Variants in ZNF507 observed in about 807,000 individuals in gnomAD.
ZNF507 encodes zinc finger protein 507.
A neutral mutation model predicts 80.0 loss-of-function variants in ZNF507; 29 were observed. The ratio of observed to expected loss-of-function variants is 0.36; its 90% CI spans 0.27 to 0.49. The LOEUF (loss-of-function observed/expected upper bound fraction) is 0.49. Among genes scored for constraint, ZNF507 ranks in the 20% least tolerant of loss-of-function variants. The pLI, the probability that ZNF507 is intolerant of heterozygous loss-of-function variation, is 0.98. For synonymous variants in ZNF507, 462 were observed against 422.5 expected, an observed-to-expected ratio of 1.09 and a Z score of -1.15; for missense variants, 1,081 against 1,152.2, an observed-to-expected ratio of 0.94 and a Z score of 0.90.
Position 32,354,595 on chromosome 19 carries a change from A to G in ZNF507, c.1765A>G (p.Thr589Ala). Residue 589 changes from threonine (T) to alanine (A), a missense_variant, in exon 3 of 7, where the codon ACC becomes GCC. By Grantham distance (58) the Thr-to-Ala change is moderately conservative. Coordinates refer to ENST00000355898, the MANE Select transcript of ZNF507 (RefSeq NM_001136156.2). ...GACAGGCATCAGCATGTCCTTACTC[A>G]CCGTCATTGAAAAATTGAGAGAAAG... The part of the protein sequence containing the change: ...VKTGISMSLL[T>A]VIEKLRERTD... The G allele has an allele frequency of 6.2e-7, 1 of 1,614,134 alleles. No homozygotes were observed. Among genetic ancestry groups the G allele is most frequent in the Non-Finnish European group, 8.5e-7 (1 of 1,180,024 alleles).
rs186095714 is a variant in ZNF507 at position 32,346,401 on chromosome 19, A to G, written c.-97+618A>G. ...TAATAAGGTGGCGGCCACTTTCCCA[A>G]CCCCAAGGCGGTATTTTTAAGTTTC... On this transcript the variant is annotated intron_variant, in intron 1 of 6. Coordinates refer to ENST00000355898, the MANE Select transcript of ZNF507 (RefSeq NM_001136156.2). 4.5e-4 allele frequency among the ~76,000 whole-genome samples: 68 copies of G among 152,164 alleles called. No individual in the cohort carries two copies. The Middle Eastern group carries it at 0.014, about 30-fold the overall frequency.
rs1222706706 is a variant in ZNF507 at position 32,383,578 on chromosome 19, A to G, written c.*495A>G. Reference sequence around the variant, plus strand: ...TTCAGTGTCACCAACAGAGTCAACAAGGAAACATAATTAGAGGGCTTTGAA... The same window carrying G: ...TTCAGTGTCACCAACAGAGTCAACAGGGAAACATAATTAGAGGGCTTTGAA... On this transcript the variant is annotated 3_prime_UTR_variant, in exon 7 of 7. Transcript: ENST00000355898. 1 of 154,626 alleles carries G rather than the reference A, an allele frequency of 6.5e-6. No homozygotes were observed. Among genetic ancestry groups the G allele is most frequent in the Non-Finnish European group, 1.4e-5 (1 of 69,644 alleles). The allele number at this position is 154,626 out of a possible 1,614,324, so 9.6% of individuals were successfully genotyped here.
intron 5 of ZNF507, among the ~76,000 whole-genome samples, chr19:32,376,278 T>C (rs1967545688): frequency 6.6e-6 from 1 of 152,198 alleles, no homozygotes; most frequent in Non-Finnish European, 1.5e-5. Flanking sequence ...TTTTTTCCTA[T>C]ATATTTCTAA....
At chr19:32,348,017 A>G (rs1967117642) in intron 2 of ZNF507, among the ~76,000 whole-genome samples, 1 of 152,222 alleles carries the variant, frequency 6.6e-6, no homozygotes, top group Non-Finnish European at 1.5e-5. Flanking sequence ...TAAATCTATA[A>G]ATAATGTGTA....
intron 2 of ZNF507, among the ~76,000 whole-genome samples, chr19:32,349,016 A>G (rs575318113): frequency 6.6e-6 from 1 of 152,356 alleles, no homozygotes; most frequent in South Asian, 2.1e-4. Flanking sequence ...TTGGACTTCA[A>G]TAAGCAAACC....
At chr19:32,378,348 G>T (rs960768885) in intron 5 of ZNF507, among the ~76,000 whole-genome samples, 6 of 152,088 alleles carry the variant, frequency 3.9e-5, no homozygotes, top group Non-Finnish European at 7.4e-5. Context: ...GTGAAACTCC[G>T]TCTCAAAGAG....
At chr19:32,376,101 T>C (rs2097308448) in intron 5 of ZNF507, among the ~76,000 whole-genome samples, 1 of 152,218 alleles carries the variant, frequency 6.6e-6, no homozygotes. Flanking sequence ...AGGCAGCTTA[T>C]TGTAGTCATT....
chr19:32,352,484 T>TC (rs1257699117), intron 2 of ZNF507, among the ~76,000 whole-genome samples: 1 of 151,612 alleles, frequency 6.6e-6, no homozygotes, highest in East Asian at 1.9e-4. Context: ...CTTTTTTTTT[T>TC]TTTCTTGGCA....
chr19:32,385,962 A>G lies in ZNF507; in HGVS notation c.*2879A>G, dbSNP rs1019324988. 2 of 152,238 alleles carry G rather than the reference A, an allele frequency of 1.3e-5. No homozygotes were observed. The highest frequency in any genetic ancestry group is 4.8e-5 in the African/African-American group (2 of 41,454). The allele number at this position is 152,238 out of a possible 1,614,324, so 9.4% of individuals were successfully genotyped here. ...AAAATACTAAGACGTGATAGTGAAA[A>G]TAGCTTTGAAAAGAAACTACATATG... On this transcript the variant is annotated 3_prime_UTR_variant, in exon 7 of 7. Coordinates refer to ENST00000355898, the MANE Select transcript of ZNF507 (RefSeq NM_001136156.2).
chr19:32,366,621 A>G (rs981353875), intron 5 of ZNF507, among the ~76,000 whole-genome samples: 3 of 152,306 alleles, frequency 2.0e-5, no homozygotes, highest in Admixed American at 1.3e-4. Flanking sequence ...TAGACATTTG[A>G]GTTATTGTAA....
In ZNF507 at chr19:32,382,933, G is replaced by A. The variant is rs773338519; in HGVS notation, c.2712G>A (p.Met904Ile). The A allele has an allele frequency of 3.7e-6, 6 of 1,614,116 alleles. No individual in the cohort carries two copies. The South Asian group carries it at 6.6e-5, about 18-fold the overall frequency. The change falls in exon 7 of 7, where the codon ATG becomes ATA. Residue 904 changes from methionine (M) to isoleucine (I), a missense_variant. This residue lies in a region of ZNF507 where 138 missense variants were observed against 158.4 expected (regional missense o/e 0.87). Transcript: ENST00000355898. ...EKISSLAPPS[M>I]EYCVLLFCCC... Reference sequence around the variant, plus strand: ...TCTCCAGTCTGGCCCCTCCTAGCATGGAGTACTGCGTTTTACTCTTCTGCT... The same window carrying A: ...TCTCCAGTCTGGCCCCTCCTAGCATAGAGTACTGCGTTTTACTCTTCTGCT...
At chr19:32,351,877 G>A (rs1967173637) in intron 2 of ZNF507, among the ~76,000 whole-genome samples, 1 of 152,108 alleles carries the variant, frequency 6.6e-6, no homozygotes, top group Non-Finnish European at 1.5e-5. Context: ...TGAAAGTACT[G>A]CCAGGAAATA....
Position 32,387,350 on chromosome 19 carries a change from C to T in ZNF507, c.*4267C>T, listed in dbSNP as rs1382233828. 6.6e-6 allele frequency: 1 copy of T among 152,120 alleles called. No homozygotes were observed. The highest frequency in any genetic ancestry group is 1.5e-5 in the Non-Finnish European group (1 of 68,026). The allele number at this position is 152,120 out of a possible 1,614,324, so 9.4% of individuals were successfully genotyped here. A position where few individuals can be genotyped will look rare whatever the true frequency, so the allele number is the denominator to read the frequency against. On this transcript the variant is annotated 3_prime_UTR_variant, in exon 7 of 7. Coordinates refer to ENST00000355898, the MANE Select transcript of ZNF507 (RefSeq NM_001136156.2). Reference sequence around the variant, plus strand: ...TCGTGGGTCTGGTTATCCATTTGTGCCCTAGAATCCTGGGTCACCTCAGTT... The same window carrying T: ...TCGTGGGTCTGGTTATCCATTTGTGTCCTAGAATCCTGGGTCACCTCAGTT...
intron 5 of ZNF507, among the ~76,000 whole-genome samples, chr19:32,371,542 G>A (rs1967471836): frequency 6.6e-6 from 1 of 151,698 alleles, no homozygotes; most frequent in Non-Finnish European, 1.5e-5. Context: ...TGGAAAGGAA[G>A]GGGAGGCAAT....
At chr19:32,362,071 A>G (rs1395863602) in intron 5 of ZNF507, among the ~76,000 whole-genome samples, 1 of 152,118 alleles carries the variant, frequency 6.6e-6, no homozygotes, top group Non-Finnish European at 1.5e-5. Flanking sequence ...GGCATGTGCC[A>G]TGATTAGCTA....
At chr19:32,380,632 A>T in intron 5 of ZNF507, 1 of 1,535,068 alleles carries the variant, frequency 6.5e-7, no homozygotes, top group Admixed American at 2.0e-5. Context: ...TAAGTAAGTT[A>T]TCTGGTTTGT....
intron 5 of ZNF507, among the ~76,000 whole-genome samples, chr19:32,377,479 G>A (rs1192910164): frequency 6.6e-6 from 1 of 152,146 alleles, no homozygotes; most frequent in East Asian, 1.9e-4. Context: ...ACAAACTAAT[G>A]ATTAATGATA....
intron 5 of ZNF507, among the ~76,000 whole-genome samples, chr19:32,366,188 T>C (rs1384141946): frequency 6.6e-6 from 1 of 152,092 alleles, no homozygotes; most frequent in Non-Finnish European, 1.5e-5. Context: ...TAAGTCTCTC[T>C]CTCCCTCCCT....
Position 32,360,558 on chromosome 19 carries a change from G to C in ZNF507, c.2300G>C (p.Ser767Thr). 1.9e-6 allele frequency: 3 copies of C among 1,603,814 alleles called. No homozygotes were observed. The highest frequency in any genetic ancestry group is 2.6e-6 in the Non-Finnish European group (3 of 1,175,338). ...AGATGTGATGTGTGTGATTATACAA[G>C]TACAACATATGTTGGTGTCAGAAAC... ...QYRCDVCDYT[S>T]TTYVGVRNHR... is the part of the protein sequence containing the mutation. The change falls in exon 5 of 7, where the codon AGT (serine) becomes ACT (threonine). Residue 767 changes from serine (S) to threonine (T), a missense_variant. By Grantham distance (58) the Ser-to-Thr change is moderately conservative. Transcript: ENST00000355898.
Sources: allele counts gnomAD v4.1 joint callset (sites outside exome capture counted in the v4.1 genomes callset), GRCh38; gene constraint gnomAD v4.1.1; regional missense constraint gnomAD v4.1.1; transcripts MANE v1.5; gene names NCBI Gene and HGNC (gene_info 2026-07-23, HGNC 2026-07-21).